ERC1: variants seen among roughly 807,000 people sequenced by gnomAD.
The protein encoded by ERC1 is RAB6 interacting protein 2.
A neutral mutation model predicts 132.0 loss-of-function variants in ERC1; 56 were observed. That is an observed-to-expected ratio of 0.42 (90% confidence interval 0.34 to 0.53). The LOEUF (loss-of-function observed/expected upper bound fraction) is 0.53. Ranked by LOEUF, ERC1 falls within the 20% of genes least tolerant of loss-of-function variation. The probability of loss-of-function intolerance (pLI) is 0.03; values close to 1 mark genes in which losing one functional copy is unlikely to be tolerated. For missense variants in ERC1, 1,202 were observed against 1,349.9 expected, an observed-to-expected ratio of 0.89 and a Z score of 1.72; for synonymous variants, 478 against 476.1, an observed-to-expected ratio of 1.00 and a Z score of -0.05.
intron 12 of ERC1, chr12:1,204,554 G>A (rs1594203521): frequency 1.0e-5 from 16 of 1,566,208 alleles, no homozygotes; most frequent in South Asian, 2.3e-5. Context: ...GTGATTGAGC[G>A]TTGTTTGCGA....
intron 18 of ERC1, among the ~76,000 whole-genome samples, chr12:1,445,217 A>G (rs2093271359): frequency 6.8e-6 from 1 of 148,132 alleles, no homozygotes; most frequent in Non-Finnish European, 1.5e-5. Context: ...CATGTTGTAC[A>G]GTAGATTTTT....
At chr12:1,168,165 G>A (rs1037556928) in intron 8 of ERC1, among the ~76,000 whole-genome samples, 1 of 152,056 alleles carries the variant, frequency 6.6e-6, no homozygotes, top group Non-Finnish European at 1.5e-5. Context: ...CTGTCACCCA[G>A]GCTGCCGTGT....
intron 13 of ERC1, among the ~76,000 whole-genome samples, chr12:1,252,877 G>T (rs886615391): frequency 1.3e-5 from 2 of 152,210 alleles, no homozygotes; most frequent in African/African-American, 4.8e-5. Flanking sequence ...CATGTTGAAT[G>T]ATTTTAATGA....
chr12:1,326,760 T>C lies in ERC1; in HGVS notation c.2780+36748T>C, dbSNP rs996784563. On this transcript the variant is annotated intron_variant, in intron 15 of 18. Coordinates refer to ENST00000360905, the MANE Select transcript of ERC1 (RefSeq NM_178040.4). ...AATGTTGTCAGTCATTTTAAACTTA[T>C]TATTTCTCCCTCTTGGAAAGGTTAT... 5.9e-5 allele frequency among the ~76,000 whole-genome samples: 9 copies of C among 152,336 alleles called. No homozygotes were observed. In the South Asian group the frequency reaches 6.2e-4, roughly 11 times the overall value.
At chr12:1,138,190 T>C (rs1369764787) in intron 7 of ERC1, among the ~76,000 whole-genome samples, 1 of 101,386 alleles carries the variant, frequency 9.9e-6, no homozygotes, top group Non-Finnish European at 1.8e-5. Flanking sequence ...ATATATCATA[T>C]ATAATTATAT....
intron 2 of ERC1, among the ~76,000 whole-genome samples, chr12:1,065,142 A>T (rs1003632258): frequency 2.0e-5 from 3 of 152,148 alleles, no homozygotes; most frequent in African/African-American, 7.2e-5. Context: ...CTGGGATTAC[A>T]GGTGTGCACC....
intron 13 of ERC1, among the ~76,000 whole-genome samples, chr12:1,253,169 A>G (rs1436797763): frequency 6.6e-6 from 1 of 152,166 alleles, no homozygotes; most frequent in Non-Finnish European, 1.5e-5. Context: ...TACTTTGGAT[A>G]ATCTTTGTGA....
intron 12 of ERC1, among the ~76,000 whole-genome samples, chr12:1,208,117 G>C (rs1957512533): frequency 6.6e-6 from 1 of 152,142 alleles, no homozygotes; most frequent in African/African-American, 2.4e-5. Context: ...TCACAGATCA[G>C]AAAATTGACT....
chr12:1,014,496 C>CA (rs1452237809), intron 1 of ERC1, among the ~76,000 whole-genome samples: 4 of 152,032 alleles, frequency 2.6e-5, no homozygotes, highest in Non-Finnish European at 4.4e-5. Context: ...AAGTAATACA[C>CA]ACTCACTATA....
chr12:1,441,562 A>T (rs1039858536), intron 17 of ERC1, among the ~76,000 whole-genome samples: 1 of 152,170 alleles, frequency 6.6e-6, no homozygotes, highest in African/African-American at 2.4e-5. Flanking sequence ...AAAAGTAATT[A>T]CCTAAGATAA....
chr12:1,032,519 C>A (rs929900101), intron 2 of ERC1, among the ~76,000 whole-genome samples: 4 of 152,062 alleles, frequency 2.6e-5, no homozygotes, highest in African/African-American at 9.7e-5. Flanking sequence ...TACTCTTGTT[C>A]GTAATGATCA....
At chr12:1,196,261 C>G (rs1349602892) in intron 12 of ERC1, among the ~76,000 whole-genome samples, 1 of 152,070 alleles carries the variant, frequency 6.6e-6, no homozygotes, top group Non-Finnish European at 1.5e-5. Context: ...CACCTCATCC[C>G]CCACCCAAAT....
chr12:1,198,363 C>T (rs1448127305), intron 12 of ERC1, among the ~76,000 whole-genome samples: 1 of 152,144 alleles, frequency 6.6e-6, no homozygotes, highest in Non-Finnish European at 1.5e-5. Context: ...AATTTCAGGT[C>T]CTCCAACTCT....
At chr12:1,225,958 T>G (rs1214359932) in intron 12 of ERC1, among the ~76,000 whole-genome samples, 1 of 151,680 alleles carries the variant, frequency 6.6e-6, no homozygotes, top group Non-Finnish European at 1.5e-5. Context: ...AGAATTTTTC[T>G]CCATTTGTTT....
At chr12:1,072,678 T>G (rs1175382937) in intron 2 of ERC1, among the ~76,000 whole-genome samples, 3 of 152,172 alleles carry the variant, frequency 2.0e-5, no homozygotes, top group Non-Finnish European at 4.4e-5. Flanking sequence ...AAGTCCTTTC[T>G]GTGTTTTAAT....
At chr12:1,296,401 CTTTTTTTT>C (rs57458560) in intron 15 of ERC1, among the ~76,000 whole-genome samples, 7 of 76,204 alleles carry the variant, frequency 9.2e-5, no homozygotes, top group African/African-American at 2.3e-4. Flanking sequence ...ATTGGATAGT[CTTTTTTTT>C]TTTTTTTTTT....
At chr12:1,194,903 C>T (rs1956073141) in intron 12 of ERC1, among the ~76,000 whole-genome samples, 1 of 124,640 alleles carries the variant, frequency 8.0e-6, no homozygotes, top group Admixed American at 1.1e-4. Flanking sequence ...ACTATATTTC[C>T]TGATTTGAGG....
At chr12:1,398,033 G>C (rs1006221313) in intron 16 of ERC1, among the ~76,000 whole-genome samples, 2 of 152,102 alleles carry the variant, frequency 1.3e-5, no homozygotes, top group Non-Finnish European at 2.9e-5. Context: ...TCCCAGGCTG[G>C]AGCGCAGGGG....
intron 7 of ERC1, among the ~76,000 whole-genome samples, chr12:1,127,493 T>C (rs944220728): frequency 6.6e-6 from 1 of 152,054 alleles, no homozygotes; most frequent in African/African-American, 2.4e-5. Context: ...ATATAAGTAC[T>C]ATCTATGTTT....
Sources: allele counts gnomAD v4.1 joint callset (sites outside exome capture counted in the v4.1 genomes callset), GRCh38; gene constraint gnomAD v4.1.1; transcripts MANE v1.5; gene names NCBI Gene and HGNC (gene_info 2026-07-23, HGNC 2026-07-21).